VIRMA: variants seen among roughly 807,000 people sequenced by gnomAD.
VIRMA encodes protein virilizer homolog.
In VIRMA, 65 loss-of-function variants were observed where a neutral mutation model predicts 182.4. The observed-to-expected ratio is 0.36, with a 90% confidence interval of 0.29 to 0.44. The LOEUF (loss-of-function observed/expected upper bound fraction) is 0.44. VIRMA is among the 20% of genes least tolerant of loss of function. VIRMA has a pLI of 1.00. For synonymous variants in VIRMA, 709 were observed against 743.1 expected (o/e 0.95, Z 0.75); for missense variants, 1,752 against 2,158.1 (o/e 0.81, Z 3.73).
At chr8:94,538,370 C>T (rs1364030620) in intron 2 of VIRMA, 24 bp from the exon 3 acceptor site, 2 of 1,425,870 alleles carry the variant, frequency 1.4e-6, no homozygotes, top group Non-Finnish European at 2.0e-6. Context: ...AAAGTTGAAA[C>T]ATCAGCCTTT....
chr8:94,492,284 CTT>C (rs770111580), intron 21 of VIRMA, among the ~76,000 whole-genome samples: 18 of 140,262 alleles, frequency 1.3e-4, no homozygotes, highest in Non-Finnish European at 9.3e-5. Context: ...TAGCATGTGT[CTT>C]TTTTTTTTTT....
rs766722548 is a variant in VIRMA, at chr8:94,496,371, T to C, written c.4340A>G (p.Glu1447Gly). The C allele has an allele frequency of 3.7e-6, 6 of 1,613,098 alleles. No individual in the cohort carries two copies. The African/African-American group carries it at 8.0e-5, about 22-fold the overall frequency. The stretch of plus-strand genomic sequence containing the variant: ...TTCAAGGAACAAATTTTCTGGACTT[T>C]CTTCTTTGCTTTGTAGAAGCTGTTT... Reference protein sequence around the residue: ...ELKQLLQSKEESPENLFLELE... With the variant: ...ELKQLLQSKEGSPENLFLELE... The change falls in exon 18 of 24, where the codon GAA becomes GGA. Residue 1447 changes from glutamate (E) to glycine (G), a missense_variant. Glu to Gly is a moderately conservative substitution (Grantham distance 98). Coordinates refer to ENST00000297591, the MANE Select transcript of VIRMA (RefSeq NM_015496.5).
At position 94,553,392 on chromosome 8, in the gene VIRMA, C is replaced by G; in HGVS notation, c.56G>C (p.Ser19Thr). 1.2e-6 allele frequency: 2 copies of G among 1,614,170 alleles called. No homozygotes were observed. Among genetic ancestry groups the G allele is most frequent in the Middle Eastern group, 3.3e-4 (2 of 6,062 alleles). ...CAAGTCGCCAAGCCTTACCTCAGCG[C>G]TCGGGTGTTTAAAAGTATCTAAAAA... is the stretch of plus-strand genomic sequence containing the variant. Reference protein sequence around the residue: ...LLFLDTFKHPSAEQSSHIDVV... With the variant: ...LLFLDTFKHPTAEQSSHIDVV... Residue 19 changes from serine (S) to threonine (T), a missense_variant, in exon 1 of 24, where the codon AGC (serine) becomes ACC (threonine). Physicochemically the swap from Ser to Thr is moderately conservative, Grantham distance 58 (BLOSUM62 1). Transcript: ENST00000297591.
intron 1 of VIRMA, chr8:94,546,721 T>C (rs1245335234): frequency 1.5e-5 from 5 of 339,842 alleles, no homozygotes; most frequent in Non-Finnish European, 2.3e-5. Context: ...CGTCCCAACC[T>C]TCCCCCTCCG....
intron 16 of VIRMA, among the ~76,000 whole-genome samples, chr8:94,505,911 T>C (rs902362476): frequency 4.6e-5 from 7 of 152,130 alleles, no homozygotes; most frequent in African/African-American, 1.4e-4. Context: ...AATGAAAATA[T>C]TATAAATAAA....
chr8:94,526,301 T>C lies in VIRMA; in HGVS notation c.1943A>G (p.Gln648Arg). 1 of 1,614,116 alleles carries C rather than the reference T, an allele frequency of 6.2e-7. No homozygotes were observed. Among genetic ancestry groups the C allele is most frequent in the Non-Finnish European group, 8.5e-7 (1 of 1,179,972 alleles). Residue 648 changes from glutamine (Q) to arginine (R), a missense_variant, in exon 8 of 24, where the codon CAA becomes CGA. This residue lies in a region of VIRMA where 401 missense variants were observed against 455.1 expected (regional missense o/e 0.88). Coordinates refer to ENST00000297591, the MANE Select transcript of VIRMA (RefSeq NM_015496.5). The stretch of plus-strand genomic sequence containing the variant: ...CATCGTTGGGAAAGACTTAACAGGT[T>C]GTTGGATCATTGTATGAGGGGCAGT... ...METAPHTMIQ[Q>R]PVKSFPTMAR...
chr8:94,522,877 C>T (rs1814820962), intron 8 of VIRMA, among the ~76,000 whole-genome samples: 2 of 152,120 alleles, frequency 1.3e-5, no homozygotes, highest in Non-Finnish European at 2.9e-5. Context: ...TCTGCTACTC[C>T]AAAATATTCA....
At position 94,516,227 on chromosome 8, in the gene VIRMA, T is replaced by C. The variant is rs146684078; in HGVS notation, c.2669-1276A>G. On this transcript the variant is annotated intron_variant, in intron 10 of 23. Coordinates refer to ENST00000297591, the MANE Select transcript of VIRMA (RefSeq NM_015496.5). ...CAAAAAAAGTATAAACAAAATTTAT[T>C]AATTTCTAAAGGAATGAAACCCAAG... Among the ~76,000 whole-genome samples, 497 of 152,326 alleles carry C rather than the reference T, an allele frequency of 3.3e-3. 5 individuals carry two copies. The highest frequency in any genetic ancestry group is 0.012 in the African/African-American group (485 of 41,568).
chr8:94,494,591 C>CAAAAAAA (rs1175058697), intron 20 of VIRMA, among the ~76,000 whole-genome samples: 8 of 42,930 alleles, frequency 1.9e-4, no homozygotes, highest in African/African-American at 4.0e-4. Flanking sequence ...GACTCTGTCT[C>CAAAAAAA]AAAAAAAAAA....
At chr8:94,535,062 G>T in intron 4 of VIRMA, 55 bp from the exon 5 acceptor site, 1 of 1,526,476 alleles carries the variant, frequency 6.6e-7, no homozygotes, top group Non-Finnish European at 8.8e-7. Flanking sequence ...TAAAATGCTA[G>T]AAGTTAGCTG....
chr8:94,529,131 A>G lies in VIRMA; in HGVS notation c.819T>C (p.Ser273=), dbSNP rs1815070019. Residue 273 remains serine (S), a synonymous_variant, in exon 7 of 24, where the codon AGT becomes AGC. Coordinates refer to ENST00000297591, the MANE Select transcript of VIRMA (RefSeq NM_015496.5). ...CATCTTCCTCTTCCTCCTCAGGAAT[A>G]CTGTCTACTGTTCGTCGATCATCCT... The part of the protein sequence containing the change: ...EDEDDRRTVD[S]IPEEEEEDEE... The G allele has an allele frequency of 6.8e-7, 1 of 1,478,752 alleles. No individual in the cohort carries two copies. 91.6% of individuals were successfully genotyped at this position (1,478,752 alleles called of 1,614,324 possible).
intron 7 of VIRMA, among the ~76,000 whole-genome samples, chr8:94,528,332 T>C (rs1433095165): frequency 8.1e-6 from 1 of 124,216 alleles, no homozygotes; most frequent in African/African-American, 2.9e-5. Context: ...TATTTGATAA[T>C]CTGTGAATGG....
At chr8:94,492,576 G>A (rs1813641954) in intron 21 of VIRMA, 76 bp downstream of exon 21, 14 of 1,346,854 alleles carry the variant, frequency 1.0e-5, no homozygotes, top group African/African-American at 1.5e-5. Context: ...TCGGCCGCAT[G>A]TGTCTATCTT....
intron 1 of VIRMA, among the ~76,000 whole-genome samples, chr8:94,544,675 A>G (rs930458717): frequency 6.6e-5 from 10 of 150,916 alleles, no homozygotes; most frequent in Non-Finnish European, 5.9e-5. Flanking sequence ...AAAAAAAAAA[A>G]AAAAAGAAAA....
At chr8:94,541,148 G>A (rs1815539994) in intron 2 of VIRMA, among the ~76,000 whole-genome samples, 1 of 149,176 alleles carries the variant, frequency 6.7e-6, no homozygotes, top group Non-Finnish European at 1.5e-5. Flanking sequence ...TTTTGAAACA[G>A]TCTTGCTTTG....
At chr8:94,492,595 C>G in intron 21 of VIRMA, 57 bp downstream of exon 21, 3 of 1,498,158 alleles carry the variant, frequency 2.0e-6, no homozygotes, top group Non-Finnish European at 2.8e-6. Flanking sequence ...TTAAAATATA[C>G]TAAAATACAT....
In VIRMA at chr8:94,529,143, T is replaced by A. The variant is rs957446; in HGVS notation, c.807A>T (p.Arg269=). 0.58 allele frequency: 824,177 copies of A among 1,426,608 alleles called. 244,728 individuals carry two copies. Among genetic ancestry groups the A allele is most frequent in the East Asian group, 0.81 (35,302 of 43,760 alleles). The allele number at this position is 1,426,608 out of a possible 1,614,324, so 88.4% of individuals were successfully genotyped here. The part of the protein sequence containing the change: ...EEEDEDEDDR[R]TVDSIPEEEE... ...CCTCCTCAGGAATACTGTCTACTGT[T>A]CGTCGATCATCCTCATCCTCATCCT... The change falls in exon 7 of 24, where the codon CGA becomes CGT. Residue 269 remains arginine, a synonymous_variant. Coordinates refer to ENST00000297591, the MANE Select transcript of VIRMA (RefSeq NM_015496.5).
intron 1 of VIRMA, among the ~76,000 whole-genome samples, chr8:94,544,465 G>T (rs1299538039): frequency 6.6e-6 from 1 of 151,842 alleles, no homozygotes; most frequent in African/African-American, 2.4e-5. Flanking sequence ...GAGGTCAGGA[G>T]ATTGAGACCC....
rs1204002597 is a variant in VIRMA at position 94,491,915 on chromosome 8, A to G, written c.4809-6T>C. The G allele has an allele frequency of 6.6e-7, 1 of 1,515,490 alleles. No individual in the cohort carries two copies. The highest frequency in any genetic ancestry group is 8.9e-7 in the Non-Finnish European group (1 of 1,127,774). The allele number at this position is 1,515,490 out of a possible 1,614,324, so 93.9% of individuals were successfully genotyped here. On this transcript the variant is annotated splice_region_variant and splice_polypyrimidine_tract_variant and intron_variant, in intron 21 of 23. Coordinates refer to ENST00000297591, the MANE Select transcript of VIRMA (RefSeq NM_015496.5). The stretch of plus-strand genomic sequence containing the variant: ...CAATGTATTCAGATTTTCCACTATT[A>G]AAACAAAAACATGCCATAAAACATT...
Sources: gnomAD v4.1 joint callset for allele counts (sites outside exome capture counted in the v4.1 genomes callset) on GRCh38, gnomAD v4.1.1 for gene constraint, gnomAD v4.1.1 regional missense constraint, MANE v1.5 for transcripts, NCBI Gene and HGNC (gene_info 2026-07-23, HGNC 2026-07-21) for gene names.